ROBO2: variants seen among roughly 807,000 people sequenced by gnomAD.
The protein encoded by ROBO2 is roundabout homolog 2.
ROBO2 carries 53 observed loss-of-function variants against 160.8 expected under a neutral mutation model. That is an observed-to-expected ratio of 0.33 (90% CI 0.26 to 0.41). The LOEUF (loss-of-function observed/expected upper bound fraction) is 0.41. Ranked by LOEUF, ROBO2 falls within the 10% of genes least tolerant of loss-of-function variation. ROBO2 has a pLI of 1.00. For synonymous variants in ROBO2, 664 were observed against 611.7 expected (o/e 1.09, Z -1.26); for missense variants, 1,577 against 1,722.4 (o/e 0.92, Z 1.49).
intron 2 of ROBO2, among the ~76,000 whole-genome samples, chr3:76,451,162 C>T (rs1276819383): frequency 6.6e-6 from 1 of 152,106 alleles, no homozygotes; most frequent in East Asian, 1.9e-4. Context: ...TACAACTGAT[C>T]AGGTCTGTCA....
intron 2 of ROBO2, among the ~76,000 whole-genome samples, chr3:76,524,119 A>G (rs906897544): frequency 1.3e-5 from 2 of 152,082 alleles, no homozygotes; most frequent in African/African-American, 4.8e-5. Flanking sequence ...TAAGCAACAC[A>G]AATTTTAGAA....
intron 2 of ROBO2, among the ~76,000 whole-genome samples, chr3:76,390,282 C>T (rs1359866707): frequency 2.6e-5 from 4 of 151,834 alleles, no homozygotes; most frequent in African/African-American, 9.7e-5. Flanking sequence ...ATACTGAGTC[C>T]CTTTATTACA....
At chr3:76,456,788 A>C (rs550801129) in intron 2 of ROBO2, among the ~76,000 whole-genome samples, 2 of 152,318 alleles carry the variant, frequency 1.3e-5, no homozygotes, top group South Asian at 2.1e-4. Flanking sequence ...ACAGTTCCAC[A>C]TGGCTGGGAA....
intron 2 of ROBO2, among the ~76,000 whole-genome samples, chr3:76,454,001 C>T (rs1252997211): frequency 6.6e-6 from 1 of 152,098 alleles, no homozygotes; most frequent in Non-Finnish European, 1.5e-5. Flanking sequence ...ATGCTCATTT[C>T]TGTGCAACTT....
At position 75,998,541 on chromosome 3, in the gene ROBO2, A is replaced by G. The variant is rs570603825; in HGVS notation, c.109+60939A>G. On this transcript the variant is annotated intron_variant, in intron 2 of 26. Coordinates refer to the ROBO2 transcript ENST00000487694. ...TTCTGAGCATATGGCCTGCAAAGCT[A>G]AGATAAATTTTAAGAGAGAGAAATA... Among the ~76,000 whole-genome samples, 4 of 152,354 alleles carry G rather than the reference A, an allele frequency of 2.6e-5. No homozygotes were observed. In the South Asian group the frequency reaches 8.3e-4, roughly 32 times the overall value.
At chr3:76,943,663 C>A (rs1468157647) in intron 2 of ROBO2, among the ~76,000 whole-genome samples, 1 of 152,156 alleles carries the variant, frequency 6.6e-6, no homozygotes, top group Admixed American at 6.5e-5. Flanking sequence ...AGTCCTATTA[C>A]CAGAAGGAAA....
chr3:75,950,045 C>G (rs1168736777), intron 2 of ROBO2, among the ~76,000 whole-genome samples: 1 of 150,630 alleles, frequency 6.6e-6, no homozygotes, highest in Non-Finnish European at 1.5e-5. Context: ...TGTGAGTGTG[C>G]ATATCACCTA....
At chr3:76,189,762 G>A (rs1358507222) in intron 2 of ROBO2, among the ~76,000 whole-genome samples, 2 of 152,022 alleles carry the variant, frequency 1.3e-5, no homozygotes, top group African/African-American at 2.4e-5. Context: ...AGTGCTTATG[G>A]TATGCCAGGC....
At chr3:76,493,346 T>A (rs1341266683) in intron 2 of ROBO2, among the ~76,000 whole-genome samples, 1 of 140,748 alleles carries the variant, frequency 7.1e-6, no homozygotes, top group African/African-American at 2.6e-5. Flanking sequence ...ATTATATATA[T>A]ATATATATAT....
chr3:76,668,256 CG>C (rs1560340702), intron 2 of ROBO2, among the ~76,000 whole-genome samples: 1 of 140,890 alleles, frequency 7.1e-6, no homozygotes, highest in Non-Finnish European at 1.5e-5. Flanking sequence ...TGTGCTACCA[CG>C]CCCAGCTATT....
intron 2 of ROBO2, among the ~76,000 whole-genome samples, chr3:75,981,578 A>T (rs2065275313): frequency 1.8e-5 from 1 of 56,650 alleles, no homozygotes; most frequent in Admixed American, 2.3e-4. Flanking sequence ...CAAGTACTGT[A>T]ACAAACTGTA....
intron 2 of ROBO2, among the ~76,000 whole-genome samples, chr3:76,244,458 C>T (rs1705492899): frequency 6.6e-6 from 1 of 152,130 alleles, no homozygotes; most frequent in African/African-American, 2.4e-5. Context: ...ATGGTAGAAA[C>T]CATTTATGTG....
intron 2 of ROBO2, among the ~76,000 whole-genome samples, chr3:76,033,748 A>C (rs1039456230): frequency 2.0e-5 from 3 of 152,178 alleles, no homozygotes; most frequent in African/African-American, 7.2e-5. Context: ...ACCTGGAGCT[A>C]GTGGAACCCA....
At chr3:76,936,752 AT>A in intron 2 of ROBO2, among the ~76,000 whole-genome samples, 1 of 77,788 alleles carries the variant, frequency 1.3e-5, no homozygotes. Flanking sequence ...AGCAGTGGAT[AT>A]TTTTAGACTA....
chr3:77,127,040 T>G (rs12106742), intron 2 of ROBO2, among the ~76,000 whole-genome samples: 1 of 151,596 alleles, frequency 6.6e-6, no homozygotes. Context: ...CCGCCCGCCT[T>G]GGCCTCCCAA....
At chr3:77,193,180 C>T (rs763575239) in intron 2 of ROBO2, among the ~76,000 whole-genome samples, 4 of 151,776 alleles carry the variant, frequency 2.6e-5, no homozygotes, top group Non-Finnish European at 4.4e-5. Flanking sequence ...GAAGAAACCA[C>T]GTCCCAGGCG....
At chr3:77,315,168 A>G (rs192432449) in intron 2 of ROBO2, among the ~76,000 whole-genome samples, 6 of 152,252 alleles carry the variant, frequency 3.9e-5, no homozygotes, top group African/African-American at 1.4e-4. Flanking sequence ...GCAAATTAAT[A>G]ATATGAACTT....
chr3:77,449,470 G>A (rs545573524), intron 2 of ROBO2, among the ~76,000 whole-genome samples: 71 of 152,084 alleles, frequency 4.7e-4, no homozygotes, highest in African/African-American at 1.5e-3. Context: ...CAAAATATGC[G>A]TTCATTTTAA....
chr3:76,049,444 A>G (rs2067580973), intron 2 of ROBO2, among the ~76,000 whole-genome samples: 2 of 118,122 alleles, frequency 1.7e-5, no homozygotes, highest in African/African-American at 3.5e-5. Context: ...GAGTTTTGCC[A>G]TATTACCTAG....
Sources: gnomAD v4.1 joint callset for allele counts (sites outside exome capture counted in the v4.1 genomes callset) on GRCh38, gnomAD v4.1.1 for gene constraint, MANE v1.5 for transcripts, NCBI Gene and HGNC (gene_info 2026-07-23, HGNC 2026-07-21) for gene names.